Variants in TET1 observed in about 807,000 individuals in gnomAD.
TET1 encodes the protein tet methylcytosine dioxygenase 1, also known as methylcytosine dioxygenase TET1.
Under a neutral mutation model 148.7 loss-of-function variants are expected in TET1, and 13 were observed. The observed-to-expected ratio is 0.09, with a 90% confidence interval of 0.06 to 0.14. The LOEUF is 0.14. Ranked by LOEUF, TET1 falls within the 10% of genes least tolerant of loss-of-function variation. The probability of loss-of-function intolerance (pLI) is 1.00; values close to 1 mark genes in which losing one functional copy is unlikely to be tolerated. For missense variants in TET1, 2,182 were observed against 2,553.8 expected, an observed-to-expected ratio of 0.85 and a Z score of 3.14; for synonymous variants, 907 against 937.2, an observed-to-expected ratio of 0.97 and a Z score of 0.59.
chr10:68,611,981 C>A lies in TET1; in HGVS notation c.1968+10947C>A, dbSNP rs548879928. Among the ~76,000 whole-genome samples the A allele has an allele frequency of 3.3e-5, 5 of 151,974 alleles. No homozygotes were observed. In the South Asian group the frequency reaches 1.0e-3, roughly 32 times the overall value. On this transcript the variant is annotated intron_variant, in intron 3 of 11. Transcript: ENST00000373644. Reference sequence around the variant, plus strand: ...TCCTCTTGGTATATTCACTTGATAGCCTTACTGAGAAATATAAGCCTATAT... The same window carrying A: ...TCCTCTTGGTATATTCACTTGATAGACTTACTGAGAAATATAAGCCTATAT...
At chr10:68,621,758 C>A (rs1328674814) in intron 3 of TET1, among the ~76,000 whole-genome samples, 4 of 152,064 alleles carry the variant, frequency 2.6e-5, no homozygotes, top group Non-Finnish European at 4.4e-5. Context: ...ATGAAAAACA[C>A]AAAGGCTAAC....
chr10:68,566,093 A>C (rs547641686), intron 1 of TET1, among the ~76,000 whole-genome samples: 1 of 152,326 alleles, frequency 6.6e-6, no homozygotes, highest in South Asian at 2.1e-4. Context: ...AATATGAAAG[A>C]ATATAGGAGA....
At chr10:68,642,854 C>T (rs2054779395) in intron 3 of TET1, among the ~76,000 whole-genome samples, 1 of 152,148 alleles carries the variant, frequency 6.6e-6, no homozygotes, top group Non-Finnish European at 1.5e-5. Context: ...ATCTGCTTGT[C>T]TAGGCCTCCC....
chr10:68,609,836 G>T (rs912101952), intron 3 of TET1, among the ~76,000 whole-genome samples: 2 of 151,452 alleles, frequency 1.3e-5, no homozygotes, highest in Admixed American at 6.6e-5. Context: ...GGATTATCTG[G>T]GAGTTGGGTG....
At chr10:68,591,750 A>C (rs1261162590) in intron 2 of TET1, among the ~76,000 whole-genome samples, 2 of 151,982 alleles carry the variant, frequency 1.3e-5, no homozygotes, top group African/African-American at 4.8e-5. Context: ...AAAAATACAA[A>C]AAATTAGCTG....
rs1453378423 is a variant in TET1, at chr10:68,632,390, C to A, written c.1969-12308C>A. The stretch of plus-strand genomic sequence containing the variant: ...GTCCTCATGGCCTCCACGCCGGAGC[C>A]CGGTGAGCCCGAGGAGAGGAAGTCC... On this transcript the variant is annotated intron_variant, in intron 3 of 11. Coordinates refer to ENST00000373644, the MANE Select transcript of TET1 (RefSeq NM_030625.3). 4.4e-6 allele frequency: 7 copies of A among 1,608,244 alleles called. No homozygotes were observed. The Admixed American group carries it at 6.7e-5, about 15-fold the overall frequency.
chr10:68,676,183 G>GTGTGTA (rs1165193306), intron 8 of TET1, among the ~76,000 whole-genome samples: 1 of 142,372 alleles, frequency 7.0e-6, no homozygotes, highest in Non-Finnish European at 1.5e-5. Flanking sequence ...GTGTGTGTGT[G>GTGTGTA]TGTATACACA....
intron 8 of TET1, among the ~76,000 whole-genome samples, chr10:68,675,947 C>T (rs1259791602): frequency 1.3e-5 from 2 of 151,990 alleles, no homozygotes; most frequent in African/African-American, 4.8e-5. Flanking sequence ...CCTCCACCTC[C>T]CGGGTTCAAG....
At chr10:68,564,915 G>A (rs943264947) in intron 1 of TET1, among the ~76,000 whole-genome samples, 1 of 151,990 alleles carries the variant, frequency 6.6e-6, no homozygotes, top group Non-Finnish European at 1.5e-5. Flanking sequence ...TCCCGCTACC[G>A]CGGTGGCTGA....
intron 8 of TET1, among the ~76,000 whole-genome samples, chr10:68,678,079 G>A (rs374117778): frequency 1.3e-5 from 2 of 152,192 alleles, no homozygotes; most frequent in East Asian, 3.8e-4. Context: ...AGAGTTTTAA[G>A]GAGGAGAGTG....
chr10:68,672,487 CA>C lies in TET1; in HGVS notation c.4674-384del, dbSNP rs71483920. On this transcript the variant is annotated intron_variant, in intron 7 of 11. Coordinates refer to ENST00000373644, the MANE Select transcript of TET1 (RefSeq NM_030625.3). Reference sequence around the variant, plus strand: ...TTGGTGACAGGGCTAGACCCCATCTCAAAAAAAAAAAAAAAAAAAAAAAACA... The same window carrying C: ...TTGGTGACAGGGCTAGACCCCATCTCAAAAAAAAAAAAAAAAAAAAAAACA... 2.4e-4 allele frequency among the ~76,000 whole-genome samples: 12 copies of C among 49,734 alleles called. No individual in the cohort carries two copies. In the South Asian group the frequency reaches 5.3e-3, roughly 22 times the overall value. 32.6% of individuals were successfully genotyped at this position (49,734 alleles called of 152,430 possible). A position where few individuals can be genotyped will look rare whatever the true frequency, so the allele number is the denominator to read the frequency against.
At position 68,646,512 on chromosome 10, in the gene TET1, T is replaced by A; in HGVS notation, c.3783T>A (p.Asp1261Glu). Residue 1261 changes from aspartate (D) to glutamate (E), a missense_variant, in exon 4 of 12, where the codon GAT becomes GAA. Around this residue, in one of 11 missense-constraint regions of TET1, gnomAD observed 582 missense variants for 599.5 expected, o/e 0.97. Coordinates refer to ENST00000373644, the MANE Select transcript of TET1 (RefSeq NM_030625.3). ...AAAAGGTGAAGGTTGAACCATTGGA[T>A]TCACTCAGCTTATTTCATCTTAAAA... ...AEEKVKVEPL[D>E]SLSLFHLKTE... is the part of the protein sequence containing the mutation. The A allele has an allele frequency of 6.2e-7, 1 of 1,614,112 alleles. No individual in the cohort carries two copies. Among genetic ancestry groups the A allele is most frequent in the East Asian group, 2.2e-5 (1 of 44,882 alleles).
chr10:68,598,284 G>A (rs1275379190), intron 2 of TET1, among the ~76,000 whole-genome samples: 2 of 152,144 alleles, frequency 1.3e-5, no homozygotes, highest in African/African-American at 4.8e-5. Context: ...CCAGCTACTC[G>A]GGAGACTGAG....
At chr10:68,657,712 T>C (rs993707960) in intron 6 of TET1, among the ~76,000 whole-genome samples, 1 of 152,138 alleles carries the variant, frequency 6.6e-6, no homozygotes, top group African/African-American at 2.4e-5. Flanking sequence ...TTATTAGCTA[T>C]ATTCTGAGGC....
At chr10:68,666,650 G>A (rs1269591023) in intron 6 of TET1, among the ~76,000 whole-genome samples, 2 of 152,132 alleles carry the variant, frequency 1.3e-5, no homozygotes, top group Non-Finnish European at 2.9e-5. Flanking sequence ...TAATAACCAC[G>A]TGTCACAGAT....
In TET1 at chr10:68,672,799, G is replaced by T. The variant is rs150058889; in HGVS notation, c.4674-96G>T. ...GATAAGTGTTATAACCGGTTCTTTA[G>T]GCATCCATCCTTCTAAAGCTATAGA... On this transcript the variant is annotated intron_variant, in intron 7 of 11. Coordinates refer to ENST00000373644, the MANE Select transcript of TET1 (RefSeq NM_030625.3). The T allele has an allele frequency of 1.1e-3, 1,046 of 970,330 alleles. 6 individuals carry two copies. The African/African-American group carries it at 0.014, about 13-fold the overall frequency. 60.1% of individuals were successfully genotyped at this position (970,330 alleles called of 1,614,324 possible). A position where few individuals can be genotyped will look rare whatever the true frequency, so the allele number is the denominator to read the frequency against.
intron 3 of TET1, among the ~76,000 whole-genome samples, chr10:68,624,628 C>CTTTCTTTCTT (rs1564974716): frequency 2.6e-5 from 1 of 38,874 alleles, no homozygotes; most frequent in Admixed American, 3.1e-4. Context: ...TTCTTTCTTT[C>CTTTCTTTCTT]TTTCTTTCTT....
At chr10:68,681,253 C>A in intron 8 of TET1, 146 bp from the exon 9 acceptor site, 2 of 507,248 alleles carry the variant, frequency 3.9e-6, no homozygotes, top group South Asian at 3.1e-5. Flanking sequence ...AGAAAAGAAG[C>A]AGTGTAATTT....
intron 3 of TET1, among the ~76,000 whole-genome samples, chr10:68,634,117 T>C (rs1179590794): frequency 6.6e-6 from 1 of 152,090 alleles, no homozygotes; most frequent in Admixed American, 6.5e-5. Context: ...TCTCCTGGAC[T>C]CAAGCAATCC....
Sources: allele counts gnomAD v4.1 joint callset (sites outside exome capture counted in the v4.1 genomes callset), GRCh38; gene constraint gnomAD v4.1.1; regional missense constraint gnomAD v4.1.1; transcripts MANE v1.5; gene names NCBI Gene and HGNC (gene_info 2026-07-23, HGNC 2026-07-21).